FREM2: variants seen among roughly 807,000 people sequenced by gnomAD.
The protein encoded by FREM2 is FRAS1 related extracellular matrix 2.
FREM2 carries 119 observed loss-of-function variants against 219.9 expected under a neutral mutation model. The ratio of observed to expected loss-of-function variants is 0.54; its 90% CI spans 0.47 to 0.63. The LOEUF (loss-of-function observed/expected upper bound fraction) is 0.63. FREM2 is among the 30% of genes least tolerant of loss of function. The pLI, the probability that FREM2 is intolerant of heterozygous loss-of-function variation, is 0.00. For synonymous variants in FREM2, 1,562 were observed against 1,522.8 expected (o/e 1.03, Z -0.60); for missense variants, 4,030 against 3,993.6 (o/e 1.01, Z -0.25).
chr13:38,800,374 A>G lies in FREM2; in HGVS notation c.6019+15566A>G, dbSNP rs142064963. 5.9e-3 allele frequency among the ~76,000 whole-genome samples: 904 copies of G among 152,232 alleles called. 27 individuals are homozygous for G. The highest frequency in any genetic ancestry group is 0.053 in the Admixed American group (812 of 15,284). On this transcript the variant is annotated intron_variant, in intron 6 of 23. Coordinates refer to ENST00000280481, the MANE Select transcript of FREM2 (RefSeq NM_207361.6). ...ACTTTTTTTTCTTTCAGTACTTTGA[A>G]TATGTCATTATCTCCGGGCACATAA...
intron 2 of FREM2, among the ~76,000 whole-genome samples, chr13:38,709,210 C>T (rs555675251): frequency 1.3e-5 from 2 of 152,270 alleles, no homozygotes; most frequent in South Asian, 4.1e-4. Flanking sequence ...TCCTCAATCC[C>T]CTGCCCACTT....
At chr13:38,879,353 C>T (rs986767802) in intron 23 of FREM2, among the ~76,000 whole-genome samples, 7 of 152,316 alleles carry the variant, frequency 4.6e-5, no homozygotes, top group African/African-American at 1.7e-4. Context: ...TTCCTGCTGA[C>T]TTTTCACCAA....
At chr13:38,878,085 A>T (rs1259832703) in intron 21 of FREM2, 49 bp from the exon 22 acceptor site, 3 of 1,457,106 alleles carry the variant, frequency 2.1e-6, no homozygotes, top group African/African-American at 1.4e-5. Context: ...TGTCACGTTG[A>T]TATACCTTAT....
At position 38,883,703 on chromosome 13, in the gene FREM2, C is replaced by T. The variant is rs1878629271; in HGVS notation, c.*2916C>T. On this transcript the variant is annotated 3_prime_UTR_variant, in exon 24 of 24. Coordinates refer to ENST00000280481, the MANE Select transcript of FREM2 (RefSeq NM_207361.6). ...TTGGGAAGGTTATAACTGAATGCAG[C>T]TCTTTATTTGGACTAAAGTGTCAGG... 1.3e-5 allele frequency: 2 copies of T among 152,132 alleles called. No individual in the cohort carries two copies. Among genetic ancestry groups the T allele is most frequent in the African/African-American group, 2.4e-5 (1 of 41,424 alleles). The allele number at this position is 152,132 out of a possible 1,614,324, so 9.4% of individuals were successfully genotyped here.
intron 6 of FREM2, among the ~76,000 whole-genome samples, chr13:38,813,549 C>CTATA (rs1875617928): frequency 3.2e-5 from 1 of 31,388 alleles, no homozygotes; most frequent in Non-Finnish European, 5.2e-5. Flanking sequence ...CTCTCTCTCT[C>CTATA]TCTCTCTCTC....
At chr13:38,845,870 T>A (rs1290147698) in intron 6 of FREM2, among the ~76,000 whole-genome samples, 1 of 152,180 alleles carries the variant, frequency 6.6e-6, no homozygotes, top group Non-Finnish European at 1.5e-5. Flanking sequence ...CCCCAAAGCA[T>A]GTGCCCTAGT....
At chr13:38,837,775 G>GTTTTTTTTTTTTTTTTTTTTTTTTTTT (rs1555270912) in intron 6 of FREM2, among the ~76,000 whole-genome samples, 2 of 128,848 alleles carry the variant, frequency 1.6e-5, no homozygotes, top group Admixed American at 1.7e-4. Flanking sequence ...GTTTTTTTTT[G>GTTTTTTTTTTTTTTTTTTTTTTTTTTT]TTTTGTTTTG....
Position 38,687,889 on chromosome 13 carries a change from T to G in FREM2, c.545T>G (p.Val182Gly), listed in dbSNP as rs1297734428. ...GTGGTCTTCACCCAGCTGGAGGTTG[T>G]GACTCGGAACTTGCCTCTGGTCGTG... ...VEVVFTQLEVVTRNLPLVVEE... is the reference protein window; with the variant it reads ...VEVVFTQLEVGTRNLPLVVEE... Residue 182 changes from valine to glycine, a missense_variant, in exon 1 of 24, where the codon GTG becomes GGG. By Grantham distance (109) the Val-to-Gly change is moderately radical. This residue lies in a region of FREM2 where 3,102 missense variants were observed against 2,950.7 expected (regional missense o/e 1.05). Coordinates refer to ENST00000280481, the MANE Select transcript of FREM2 (RefSeq NM_207361.6). The G allele has an allele frequency of 6.3e-7, 1 of 1,584,354 alleles. No homozygotes were observed. The highest frequency in any genetic ancestry group is 1.8e-5 in the Admixed American group (1 of 56,312).
chr13:38,861,971 G>A (rs1441506277), intron 15 of FREM2, among the ~76,000 whole-genome samples: 1 of 152,072 alleles, frequency 6.6e-6, no homozygotes, highest in South Asian at 2.1e-4. Flanking sequence ...GTAACTGTAA[G>A]ACATTTCCAA....
At position 38,764,279 on chromosome 13, in the gene FREM2, A is replaced by G. The variant is rs372835149; in HGVS notation, c.5264-25A>G. The G allele has an allele frequency of 6.3e-6, 10 of 1,583,964 alleles. No individual in the cohort carries two copies. The African/African-American group carries it at 1.2e-4, about 19-fold the overall frequency. On this transcript the variant is annotated intron_variant, in intron 2 of 23. Transcript: ENST00000280481. ...CACTCATTCAAGAAAGCACTAATTT[A>G]TGGCTTTAAATTTTTATTTTCAAGG...
intron 2 of FREM2, among the ~76,000 whole-genome samples, chr13:38,705,344 A>G (rs1168790521): frequency 6.6e-6 from 1 of 152,188 alleles, no homozygotes; most frequent in Non-Finnish European, 1.5e-5. Flanking sequence ...CCATTTATGG[A>G]GATGAAATAG....
chr13:38,861,524 A>G lies in FREM2; in HGVS notation c.7613A>G (p.Asn2538Ser). ...YTGPEDADYT[N>S]LIKLTVTMPH... is the part of the protein sequence containing the mutation. Reference sequence around the variant, plus strand: ...GGCCCTGAGGATGCAGACTACACAAACCTTATCAAGCTCACTGTCACAATG... The same window carrying G: ...GGCCCTGAGGATGCAGACTACACAAGCCTTATCAAGCTCACTGTCACAATG... Residue 2538 changes from asparagine (N) to serine (S), a missense_variant, in exon 15 of 24, where the codon AAC becomes AGC. Asn to Ser is a conservative substitution (Grantham distance 46, BLOSUM62 1). This residue lies in a region of FREM2 where 928 missense variants were observed against 1,042.9 expected (regional missense o/e 0.89). Coordinates refer to ENST00000280481, the MANE Select transcript of FREM2 (RefSeq NM_207361.6). 1 of 1,614,010 alleles carries G rather than the reference A, an allele frequency of 6.2e-7. No individual in the cohort carries two copies. Among genetic ancestry groups the G allele is most frequent in the Non-Finnish European group, 8.5e-7 (1 of 1,179,996 alleles).
intron 16 of FREM2, among the ~76,000 whole-genome samples, chr13:38,867,658 C>A (rs1878019563): frequency 6.6e-6 from 1 of 152,180 alleles, no homozygotes; most frequent in African/African-American, 2.4e-5. Context: ...GTGGCCCACT[C>A]CAAGAGGCCA....
intron 2 of FREM2, among the ~76,000 whole-genome samples, chr13:38,724,296 T>C (rs936594547): frequency 3.3e-5 from 5 of 152,208 alleles, no homozygotes; most frequent in Non-Finnish European, 7.4e-5. Flanking sequence ...CACTTCATTC[T>C]AAAATAAAAT....
intron 6 of FREM2, among the ~76,000 whole-genome samples, chr13:38,819,263 A>C (rs2137874568): frequency 6.6e-6 from 1 of 152,290 alleles, no homozygotes; most frequent in South Asian, 2.1e-4. Flanking sequence ...GAAAAGCATT[A>C]AAGAGCTTTG....
chr13:38,777,733 T>G (rs904584251), intron 4 of FREM2, among the ~76,000 whole-genome samples: 6 of 152,188 alleles, frequency 3.9e-5, no homozygotes, highest in African/African-American at 1.4e-4. Context: ...TCCATTGTAT[T>G]TATAACGTGA....
chr13:38,854,738 TA>T (rs988752287), intron 11 of FREM2, among the ~76,000 whole-genome samples: 1 of 152,036 alleles, frequency 6.6e-6, no homozygotes, highest in African/African-American at 2.4e-5. Flanking sequence ...GACAGAGAAC[TA>T]ATTTTAAAAA....
At chr13:38,874,625 A>G (rs1002416699) in intron 18 of FREM2, 39 bp downstream of exon 18, 20 of 1,501,420 alleles carry the variant, frequency 1.3e-5, no homozygotes, top group African/African-American at 2.8e-5. Flanking sequence ...TCCTCACACA[A>G]AAAGGAGGTA....
chr13:38,878,627 C>T (rs1456094453), intron 22 of FREM2, among the ~76,000 whole-genome samples: 2 of 151,922 alleles, frequency 1.3e-5, no homozygotes, highest in African/African-American at 4.8e-5. Flanking sequence ...TATGATCATG[C>T]TACTGCACTC....
Sources: allele counts gnomAD v4.1 joint callset (sites outside exome capture counted in the v4.1 genomes callset), GRCh38; gene constraint gnomAD v4.1.1; regional missense constraint gnomAD v4.1.1; transcripts MANE v1.5; gene names NCBI Gene and HGNC (gene_info 2026-07-23, HGNC 2026-07-21).